ATP13A3: variants seen among roughly 807,000 people sequenced by gnomAD.
ATP13A3 encodes the protein polyamine-transporting ATPase 13A3.
A neutral mutation model predicts 158.1 loss-of-function variants in ATP13A3; 59 were observed. The ratio of observed to expected loss-of-function variants is 0.37; its 90% CI spans 0.30 to 0.46. ATP13A3 has a LOEUF of 0.46. Among genes scored for constraint, ATP13A3 ranks in the 20% least tolerant of loss-of-function variants. The pLI is 1.00. For missense variants in ATP13A3, 1,166 were observed against 1,525.2 expected (o/e 0.76, Z 3.92); for synonymous variants, 491 against 504.3 (o/e 0.97, Z 0.35).
chr3:194,443,368 G>A (rs960252237), intron 15 of ATP13A3, among the ~76,000 whole-genome samples: 1 of 152,078 alleles, frequency 6.6e-6, no homozygotes, highest in Non-Finnish European at 1.5e-5. Flanking sequence ...CATAAAGTGA[G>A]AAAATGAGAG....
rs780826312 is a variant in ATP13A3, at chr3:194,437,546, C to T, written c.1845+10G>A. 38 of 1,610,064 alleles carry T rather than the reference C, an allele frequency of 2.4e-5. No homozygotes were observed. The South Asian group carries it at 3.5e-4, about 15-fold the overall frequency. On this transcript the variant is annotated intron_variant, in intron 18 of 33. Coordinates refer to ENST00000645319, the MANE Select transcript of ATP13A3 (RefSeq NM_001367549.1). ...ATATACTTAGTAAGAAGTAAACATT[C>T]TTCACTTACTGGAAGTTCAAACAGC...
At chr3:194,410,219 G>A (rs550748019) in intron 33 of ATP13A3, among the ~76,000 whole-genome samples, 32 of 146,652 alleles carry the variant, frequency 2.2e-4, no homozygotes, top group Admixed American at 1.4e-4. Context: ...CAGCACTTTG[G>A]GAGGCCGAGG....
At chr3:194,471,130 T>G (rs1720280500) in intron 2 of ATP13A3, among the ~76,000 whole-genome samples, 1 of 152,058 alleles carries the variant, frequency 6.6e-6, no homozygotes, top group Non-Finnish European at 1.5e-5. Flanking sequence ...GTAGGAACCT[T>G]TGAAGCACAT....
At chr3:194,471,785 AAG>A (rs61296364) in intron 2 of ATP13A3, 6,659 of 152,404 alleles carry the variant, frequency 0.044, 360 homozygotes, top group African/African-American at 0.13. Flanking sequence ...AAAACAGCAC[AAG>A]AGTCACTTTA....
At chr3:194,428,274 G>A (rs912717660) in intron 28 of ATP13A3, among the ~76,000 whole-genome samples, 1 of 151,034 alleles carries the variant, frequency 6.6e-6, no homozygotes, top group East Asian at 1.9e-4. Context: ...TTTGTAACTA[G>A]CACCTTGTGA....
intron 20 of ATP13A3, among the ~76,000 whole-genome samples, chr3:194,436,019 T>A (rs1432082443): frequency 6.6e-6 from 1 of 152,210 alleles, no homozygotes; most frequent in Non-Finnish European, 1.5e-5. Flanking sequence ...AAGCTATAAA[T>A]TAAGAAGAGA....
At chr3:194,406,413 G>T (rs1353699828) in intron 33 of ATP13A3, among the ~76,000 whole-genome samples, 1 of 152,060 alleles carries the variant, frequency 6.6e-6, no homozygotes, top group Non-Finnish European at 1.5e-5. Flanking sequence ...GTTTTATTTT[G>T]TAAGGGCAGC....
intron 2 of ATP13A3, among the ~76,000 whole-genome samples, chr3:194,465,795 C>T (rs547506294): frequency 4.1e-5 from 6 of 147,150 alleles, no homozygotes; most frequent in African/African-American, 1.6e-4. Context: ...GAAACCCCAT[C>T]TCTACTAAAA....
At chr3:194,430,398 T>C (rs1560082359) in intron 24 of ATP13A3, 83 bp from the exon 25 acceptor site, 2 of 1,413,824 alleles carry the variant, frequency 1.4e-6, no homozygotes, top group Admixed American at 3.8e-5. Context: ...TCTATTACAG[T>C]ATTATAAAGA....
rs201310697 is a variant in ATP13A3 at position 194,430,264 on chromosome 3, T to A, written c.2667+9A>T. On this transcript the variant is annotated intron_variant, in intron 25 of 33. Coordinates refer to ENST00000645319, the MANE Select transcript of ATP13A3 (RefSeq NM_001367549.1). ...AACTATAAAACTAAATCACAAAAAC[T>A]ATACTTACACCACAATCATTTGCGC... 2.5e-3 allele frequency: 4,028 copies of A among 1,613,710 alleles called. 10 individuals carry two copies. Among genetic ancestry groups the A allele is most frequent in the Non-Finnish European group, 3.0e-3 (3,540 of 1,179,722 alleles).
intron 20 of ATP13A3, among the ~76,000 whole-genome samples, chr3:194,436,085 G>A (rs1031199632): frequency 2.0e-5 from 3 of 152,084 alleles, no homozygotes; most frequent in East Asian, 3.9e-4. Context: ...TGTGGTTCCC[G>A]ACATGCATAT....
intron 30 of ATP13A3, among the ~76,000 whole-genome samples, chr3:194,424,877 TGAA>T (rs1477720284): frequency 2.0e-5 from 3 of 152,116 alleles, no homozygotes; most frequent in South Asian, 2.1e-4. Context: ...GCGTCGGAAA[TGAA>T]GAAGATGGCA....
intron 31 of ATP13A3, among the ~76,000 whole-genome samples, chr3:194,418,897 G>A (rs1716085963): frequency 6.6e-6 from 1 of 152,140 alleles, no homozygotes; most frequent in African/African-American, 2.4e-5. Flanking sequence ...CTTCTACTGG[G>A]CTTAATCACT....
Position 194,471,769 on chromosome 3 carries a change from T to C in ATP13A3, c.-46-9533A>G, listed in dbSNP as rs552315138. Among the ~76,000 whole-genome samples the C allele has an allele frequency of 2.1e-4, 32 of 151,768 alleles. No individual in the cohort carries two copies. The South Asian group carries it at 6.2e-3, about 30-fold the overall frequency. Reference sequence around the variant, plus strand: ...ACTTCATCCCCAAAACAAACAAACATAAATGAAAACAGCACAAGAGTCACT... The same window carrying C: ...ACTTCATCCCCAAAACAAACAAACACAAATGAAAACAGCACAAGAGTCACT... On this transcript the variant is annotated intron_variant, in intron 2 of 33. Coordinates refer to ENST00000645319, the MANE Select transcript of ATP13A3 (RefSeq NM_001367549.1).
At chr3:194,437,491 G>A (rs1385281941) in intron 18 of ATP13A3, 27 bp from the exon 19 acceptor site, 1 of 1,613,550 alleles carries the variant, frequency 6.2e-7, no homozygotes, top group East Asian at 2.2e-5. Flanking sequence ...GAGGCACAAA[G>A]CACTTAATAT....
At chr3:194,454,512 C>G (rs993685154) in intron 8 of ATP13A3, 120 bp from the exon 9 acceptor site, 3 of 1,129,066 alleles carry the variant, frequency 2.7e-6, no homozygotes, top group African/African-American at 3.2e-5. Flanking sequence ...CCATAGTATT[C>G]TACGGCAAAA....
intron 7 of ATP13A3, among the ~76,000 whole-genome samples, chr3:194,456,328 A>AT (rs35825895): frequency 4.7e-5 from 7 of 149,662 alleles, no homozygotes; most frequent in South Asian, 4.2e-4. Context: ...GAGGGATCTT[A>AT]TTTTTTTTTT....
At chr3:194,438,743 A>G (rs1717838004) in intron 17 of ATP13A3, 113 bp downstream of exon 17, 2 of 609,960 alleles carry the variant, frequency 3.3e-6, no homozygotes, top group Admixed American at 3.9e-5. Flanking sequence ...GTTTGAGACC[A>G]GCCTGGGCAA....
At chr3:194,426,881 C>T (rs1030989580) in intron 29 of ATP13A3, among the ~76,000 whole-genome samples, 194 bp downstream of exon 29, 8 of 152,006 alleles carry the variant, frequency 5.3e-5, no homozygotes, top group Admixed American at 6.6e-5. Context: ...AGGCTGGTCT[C>T]GAACTCCTGG....
Sources: gnomAD v4.1 joint callset for allele counts (sites outside exome capture counted in the v4.1 genomes callset) on GRCh38, gnomAD v4.1.1 for gene constraint, MANE v1.5 for transcripts, NCBI Gene and HGNC (gene_info 2026-07-23, HGNC 2026-07-21) for gene names.